The following TEX14 variants were observed in gnomAD, a reference collection of about 807,000 sequenced individuals.
The protein encoded by TEX14 is testis expressed 14, intercellular bridge forming factor, also known as inactive serine/threonine-protein kinase TEX14.
In TEX14, 168 loss-of-function variants were observed where a neutral mutation model predicts 178.6. The observed-to-expected ratio is 0.94, with a 90% CI of 0.83 to 1.07. The LOEUF (loss-of-function observed/expected upper bound fraction) is 1.07. TEX14 is among the 50% of genes least tolerant of loss of function. The probability of loss-of-function intolerance (pLI) is 0.00; values close to 1 mark genes in which losing one functional copy is unlikely to be tolerated. For missense variants in TEX14, 1,730 were observed against 1,753.6 expected (o/e 0.99, Z 0.24); for synonymous variants, 626 against 634.1 (o/e 0.99, Z 0.19).
intron 10 of TEX14, among the ~76,000 whole-genome samples, chr17:58,607,848 C>A (rs1238194575): frequency 1.3e-5 from 2 of 152,224 alleles, no homozygotes; most frequent in Admixed American, 6.5e-5. Context: ...CATTTACCGG[C>A]CAGCCGTAGT....
At chr17:58,610,823 T>A (rs771424291) in intron 10 of TEX14, among the ~76,000 whole-genome samples, 2 of 151,708 alleles carry the variant, frequency 1.3e-5, no homozygotes, top group African/African-American at 4.8e-5. Flanking sequence ...GAGGCGGAGG[T>A]TGCAGTGAGC....
intron 1 of TEX14, among the ~76,000 whole-genome samples, chr17:58,688,747 T>C (rs190771006): frequency 2.6e-5 from 4 of 152,238 alleles, no homozygotes; most frequent in East Asian, 1.9e-4. Flanking sequence ...CCCATAGCAA[T>C]GTCTCTCAAA....
At chr17:58,614,905 G>T (rs1874075931) in intron 8 of TEX14, among the ~76,000 whole-genome samples, 1 of 152,212 alleles carries the variant, frequency 6.6e-6, no homozygotes, top group Admixed American at 6.5e-5. Context: ...TGGGCACAGG[G>T]CCCAAAGTGG....
intron 1 of TEX14, among the ~76,000 whole-genome samples, chr17:58,684,428 C>A (rs975867101): frequency 6.6e-6 from 1 of 151,292 alleles, no homozygotes; most frequent in African/African-American, 2.4e-5. Context: ...CACCATTGCA[C>A]TCCAGCCTGG....
intron 18 of TEX14, 144 bp from the exon 19 acceptor site, chr17:58,584,744 A>G: frequency 3.0e-6 from 2 of 662,832 alleles, no homozygotes; most frequent in Non-Finnish European, 5.3e-6. Flanking sequence ...CAGTCCAGAG[A>G]GTAGAGACTG....
chr17:58,668,199 T>C (rs1354929658), intron 1 of TEX14, among the ~76,000 whole-genome samples: 2 of 152,172 alleles, frequency 1.3e-5, no homozygotes, highest in Non-Finnish European at 2.9e-5. Context: ...ACCACTGACC[T>C]CCACACTGCT....
At chr17:58,589,215 A>G (rs2045059589) in intron 15 of TEX14, among the ~76,000 whole-genome samples, 1 of 151,654 alleles carries the variant, frequency 6.6e-6, no homozygotes, top group South Asian at 2.1e-4. Flanking sequence ...GTGAGCTGAG[A>G]TCACACCACT....
At position 58,573,257 on chromosome 17, in the gene TEX14, G is replaced by C. The variant is rs1237261877; in HGVS notation, c.3435C>G (p.Ser1145Arg). ...DLSSISYEPDSSFKEASCKTP... is the reference protein window; with the variant it reads ...DLSSISYEPDRSFKEASCKTP... The stretch of plus-strand genomic sequence containing the variant: ...TTTTGCATGAAGCTTCCTTAAAAGA[G>C]CTGTCTGGTTCATAGGAGATACTAG... Residue 1145 changes from serine to arginine, a missense_variant, in exon 23 of 32, where the codon AGC (serine) becomes AGG (arginine). Transcript: ENST00000349033. 6.2e-7 allele frequency: 1 copy of C among 1,613,806 alleles called. No homozygotes were observed. The highest frequency in any genetic ancestry group is 1.1e-5 in the South Asian group (1 of 91,076).
At chr17:58,558,334 G>A (rs1037109773) in intron 30 of TEX14, among the ~76,000 whole-genome samples, 5 of 152,170 alleles carry the variant, frequency 3.3e-5, no homozygotes, top group Admixed American at 6.5e-5. Context: ...GGAGATGAGA[G>A]GTCAGTTACT....
At chr17:58,645,870 T>C (rs1340827077) in intron 2 of TEX14, among the ~76,000 whole-genome samples, 4 of 152,170 alleles carry the variant, frequency 2.6e-5, no homozygotes, top group Non-Finnish European at 4.4e-5. Flanking sequence ...TAAAATAACA[T>C]AGTATTTGCA....
chr17:58,585,913 C>T lies in TEX14; in HGVS notation c.2958G>A (p.Glu986=), dbSNP rs1268371991. 48 of 1,614,000 alleles carry T rather than the reference C, an allele frequency of 3.0e-5. No homozygotes were observed. Among genetic ancestry groups the T allele is most frequent in the Non-Finnish European group, 4.0e-5 (47 of 1,179,984 alleles). ...TGGGCTCATCATTTTCCCTATGATA[C>T]TCAATAACTCGCTGCCAATCCGTGT... ...PENTDWQRVI[E]YHRENDEPRG... Residue 986 remains glutamate, a synonymous_variant, in exon 18 of 32, where the codon GAG becomes GAA. Transcript: ENST00000349033.
chr17:58,659,908 G>T (rs576927975), intron 1 of TEX14, among the ~76,000 whole-genome samples: 2 of 151,168 alleles, frequency 1.3e-5, no homozygotes, highest in African/African-American at 2.4e-5. Flanking sequence ...TGGTGGTCAG[G>T]CTGGTCTTGA....
chr17:58,609,725 G>C (rs2045700850), intron 10 of TEX14, among the ~76,000 whole-genome samples: 1 of 152,194 alleles, frequency 6.6e-6, no homozygotes, highest in Non-Finnish European at 1.5e-5. Context: ...GGCACTCCAG[G>C]TCTGGGGAAG....
chr17:58,611,018 G>A, intron 10 of TEX14, 143 bp downstream of exon 10: 1 of 632,526 alleles, frequency 1.6e-6, no homozygotes, highest in Non-Finnish European at 2.8e-6. Flanking sequence ...GACAGGGTAA[G>A]GCATTTGGGA....
chr17:58,634,870 G>A (rs1357840804), intron 2 of TEX14, among the ~76,000 whole-genome samples: 2 of 152,128 alleles, frequency 1.3e-5, no homozygotes, highest in African/African-American at 2.4e-5. Flanking sequence ...GGTGGCTCAC[G>A]CCTGTAATCC....
At chr17:58,617,665 A>G (rs1216983348) in intron 5 of TEX14, 46 bp from the exon 6 acceptor site, 1 of 1,361,166 alleles carries the variant, frequency 7.3e-7, no homozygotes, top group East Asian at 2.3e-5. Flanking sequence ...TTAACCACTC[A>G]TATCCAGAAT....
chr17:58,656,215 G>A (rs778693586), intron 1 of TEX14, among the ~76,000 whole-genome samples: 12 of 152,118 alleles, frequency 7.9e-5, no homozygotes, highest in South Asian at 2.1e-4. Context: ...AGGCCAAGGC[G>A]GGTGGATCAC....
intron 28 of TEX14, among the ~76,000 whole-genome samples, chr17:58,562,943 G>A (rs1464380279): frequency 6.6e-6 from 1 of 151,998 alleles, no homozygotes; most frequent in Non-Finnish European, 1.5e-5. Context: ...ATGTTGGCAT[G>A]AGCCTATAGA....
chr17:58,638,204 G>A (rs550955713), intron 2 of TEX14, among the ~76,000 whole-genome samples: 1 of 151,690 alleles, frequency 6.6e-6, no homozygotes, highest in East Asian at 1.9e-4. Context: ...CATTGTTTCT[G>A]ATGATTAAAA....
Sources: gnomAD v4.1 joint callset for allele counts (sites outside exome capture counted in the v4.1 genomes callset) on GRCh38, gnomAD v4.1.1 for gene constraint, MANE v1.5 for transcripts, NCBI Gene and HGNC (gene_info 2026-07-23, HGNC 2026-07-21) for gene names.